Variants in ZNF536 observed in about 807,000 individuals in gnomAD.
ZNF536 encodes the protein zinc finger protein 536.
In ZNF536, 13 loss-of-function variants were observed where a neutral mutation model predicts 84.5. That is an observed-to-expected ratio of 0.15 (90% CI 0.10 to 0.24). The LOEUF (loss-of-function observed/expected upper bound fraction) is 0.24, where lower values mean the gene tolerates loss of function less well. Ranked by LOEUF, ZNF536 falls within the 10% of genes least tolerant of loss-of-function variation. The pLI, the probability that ZNF536 is intolerant of heterozygous loss-of-function variation, is 1.00. For missense variants in ZNF536, 1,536 were observed against 1,747.5 expected (o/e 0.88, Z 2.16); for synonymous variants, 811 against 742.5 (o/e 1.09, Z -1.50).
chr19:30,406,245 A>G (rs922234296), intron 1 of ZNF536, among the ~76,000 whole-genome samples: 9 of 152,188 alleles, frequency 5.9e-5, no homozygotes, highest in African/African-American at 2.2e-4. Flanking sequence ...AAAGGGAACA[A>G]CTAGTCAACC....
chr19:30,333,352 C>T (rs1467268061), intron 2 of ZNF536, among the ~76,000 whole-genome samples: 1 of 152,152 alleles, frequency 6.6e-6, no homozygotes, highest in Non-Finnish European at 1.5e-5. Flanking sequence ...CCACCTGATT[C>T]TGTCCTCTCT....
intron 2 of ZNF536, among the ~76,000 whole-genome samples, chr19:30,491,374 C>T (rs3786802): frequency 0.037 from 5,650 of 152,158 alleles, 193 homozygotes; most frequent in East Asian, 0.18. Flanking sequence ...TCCTGGAGTG[C>T]GTGAGCCTCT....
chr19:30,581,793 G>T (rs1053371103), intron 1 of ZNF536, among the ~76,000 whole-genome samples: 1 of 151,972 alleles, frequency 6.6e-6, no homozygotes, highest in East Asian at 1.9e-4. Flanking sequence ...AAAATTAGCC[G>T]GGCATGGTGG....
chr19:30,404,595 G>C (rs2050188861), intron 1 of ZNF536, among the ~76,000 whole-genome samples: 1 of 152,224 alleles, frequency 6.6e-6, no homozygotes. Flanking sequence ...GAACAGGACT[G>C]AGTGCCCAGG....
chr19:30,619,860 G>C (rs907167141), intron 1 of ZNF536, among the ~76,000 whole-genome samples: 2 of 152,186 alleles, frequency 1.3e-5, no homozygotes, highest in Non-Finnish European at 2.9e-5. Flanking sequence ...TGAATGAACG[G>C]AAGCCAATAG....
At chr19:30,656,530 C>A (rs1277261506) in intron 1 of ZNF536, among the ~76,000 whole-genome samples, 1 of 152,184 alleles carries the variant, frequency 6.6e-6, no homozygotes, top group Non-Finnish European at 1.5e-5. Context: ...TGTTGGCTGT[C>A]AATGTTGTTG....
chr19:30,356,817 T>C (rs1458770864), intron 3 of ZNF536, among the ~76,000 whole-genome samples: 14 of 152,250 alleles, frequency 9.2e-5, no homozygotes, highest in Non-Finnish European at 8.8e-5. Context: ...GATAGTATGA[T>C]TCATTCCATT....
At chr19:30,558,710 G>A (rs73026766), downstream of ZNF536, among the ~76,000 whole-genome samples, 16,262 of 152,156 alleles carry the variant, frequency 0.11, 1,112 homozygotes, top group Non-Finnish European at 0.15. Context: ...TTTGTGGTCC[G>A]TGAGCTGGAC....
intron 1 of ZNF536, among the ~76,000 whole-genome samples, chr19:30,661,915 T>C (rs1012439840): frequency 6.6e-6 from 1 of 151,314 alleles, no homozygotes; most frequent in Non-Finnish European, 1.5e-5. Context: ...AGTGGTTTTT[T>C]TCTAGATATG....
At chr19:30,403,852 C>G (rs2050151739) in intron 1 of ZNF536, among the ~76,000 whole-genome samples, 2 of 152,102 alleles carry the variant, frequency 1.3e-5, no homozygotes, top group African/African-American at 4.8e-5. Flanking sequence ...CTGCTGTTGC[C>G]TTCAGGGATG....
intron 1 of ZNF536, among the ~76,000 whole-genome samples, chr19:30,573,637 A>C (rs2146579605): frequency 6.6e-6 from 1 of 152,346 alleles, no homozygotes; most frequent in South Asian, 2.1e-4. Flanking sequence ...TGTCCATGAC[A>C]GAGTCCATGG....
intron 1 of ZNF536, among the ~76,000 whole-genome samples, chr19:30,609,015 C>T (rs2047998019): frequency 6.6e-6 from 1 of 152,170 alleles, no homozygotes; most frequent in South Asian, 2.1e-4. Flanking sequence ...CTCATCTTGG[C>T]TTGTTCACTA....
chr19:30,609,914 CCATCCATCCATCCATCCATCCATCCATG>C (rs1240889749), intron 1 of ZNF536, among the ~76,000 whole-genome samples: 1 of 113,788 alleles, frequency 8.8e-6, no homozygotes, highest in South Asian at 2.6e-4. Flanking sequence ...ATCCATCCAT[CCATCCATCCATCCATCCATCCATCCATG>C]CATCCATCCA....
chr19:30,395,961 A>G (rs889861665), intron 1 of ZNF536, among the ~76,000 whole-genome samples: 1 of 152,176 alleles, frequency 6.6e-6, no homozygotes, highest in Non-Finnish European at 1.5e-5. Context: ...GTTACCACTG[A>G]TGAACTACAT....
At chr19:30,257,931 A>G (rs904141804) in intron 1 of ZNF536, among the ~76,000 whole-genome samples, 5 of 152,194 alleles carry the variant, frequency 3.3e-5, no homozygotes, top group Non-Finnish European at 5.9e-5. Flanking sequence ...CCTGGTCAAC[A>G]TTGAGTACAC....
At chr19:30,479,395 G>T (rs1012347865) in intron 2 of ZNF536, among the ~76,000 whole-genome samples, 4 of 152,178 alleles carry the variant, frequency 2.6e-5, no homozygotes, top group Admixed American at 1.3e-4. Flanking sequence ...CGTGGCCCCA[G>T]CTAAATCAGA....
chr19:30,403,159 A>G (rs1274384117), intron 1 of ZNF536, among the ~76,000 whole-genome samples: 2 of 152,132 alleles, frequency 1.3e-5, no homozygotes, highest in African/African-American at 4.8e-5. Flanking sequence ...CATCAATAAC[A>G]TATTGTTAGT....
intron 2 of ZNF536, among the ~76,000 whole-genome samples, chr19:30,312,908 G>T (rs1328646342): frequency 6.6e-6 from 1 of 152,254 alleles, no homozygotes; most frequent in Non-Finnish European, 1.5e-5. Context: ...TGCAAAATGG[G>T]TACAGTAGCA....
intron 2 of ZNF536, among the ~76,000 whole-genome samples, chr19:30,492,181 A>G (rs1326772526): frequency 1.3e-5 from 2 of 152,214 alleles, no homozygotes; most frequent in African/African-American, 4.8e-5. Flanking sequence ...CTGCATAAAG[A>G]AAGATAAAGC....
Sources: gnomAD v4.1 joint callset for allele counts (sites outside exome capture counted in the v4.1 genomes callset) on GRCh38, gnomAD v4.1.1 for gene constraint, MANE v1.5 for transcripts, NCBI Gene and HGNC (gene_info 2026-07-23, HGNC 2026-07-21) for gene names.